Variants in OR10A6 observed in about 807,000 individuals in gnomAD.
OR10A6 encodes the protein olfactory receptor 10A6.
OR10A6 carries 2 observed loss-of-function variants against 1.5 expected under a neutral mutation model. That is an observed-to-expected ratio of 1.31 (90% CI 0.54 to 4.13). The LOEUF (loss-of-function observed/expected upper bound fraction) is 4.13. Ranked by LOEUF, OR10A6 falls within the 30% of genes most tolerant of loss-of-function variation. The probability of loss-of-function intolerance (pLI) is 0.07; values close to 1 mark genes in which losing one functional copy is unlikely to be tolerated. For synonymous variants in OR10A6, 169 were observed against 137.3 expected, an observed-to-expected ratio of 1.23 and a Z score of -1.61; for missense variants, 492 against 368.6, an observed-to-expected ratio of 1.33 and a Z score of -2.74.
rs974515552 is a variant in OR10A6 at position 7,929,504 on chromosome 11, T to C, written c.-842A>G. ...ACTATACTCGTCATCAAAAAATTCATTTAATCATTAATTATTCAACAAGCA... is the reference window on the plus strand; with the variant it reads ...ACTATACTCGTCATCAAAAAATTCACTTAATCATTAATTATTCAACAAGCA... On this transcript the variant is annotated 5_prime_UTR_variant, in exon 4 of 4. It removes an upstream start codon present in the reference 5' UTR. Transcript: ENST00000641238. 3 of 151,920 alleles carry C rather than the reference T, an allele frequency of 2.0e-5. No homozygotes were observed. Among genetic ancestry groups the C allele is most frequent in the South Asian group, 4.2e-4 (2 of 4,818 alleles). The allele number at this position is 151,920 out of a possible 1,614,324, so 9.4% of individuals were successfully genotyped here. A position where few individuals can be genotyped will look rare whatever the true frequency, so the allele number is the denominator to read the frequency against.
rs1435537381 is a variant in OR10A6 at position 7,927,510 on chromosome 11, T to A, written c.*208A>T. On this transcript the variant is annotated 3_prime_UTR_variant, in exon 4 of 4. Coordinates refer to ENST00000641238, the MANE Select transcript of OR10A6 (RefSeq NM_001004461.2). Reference sequence around the variant, plus strand: ...TAAACAAATTGTTGAAATTGTGTTATATTCAATATTAAGGAATATTATGCA... The same window carrying A: ...TAAACAAATTGTTGAAATTGTGTTAAATTCAATATTAAGGAATATTATGCA... 2 of 447,130 alleles carry A rather than the reference T, an allele frequency of 4.5e-6. No homozygotes were observed. The highest frequency in any genetic ancestry group is 7.8e-6 in the Non-Finnish European group (2 of 255,076). 27.7% of individuals were successfully genotyped at this position (447,130 alleles called of 1,614,324 possible).
At position 7,929,966 on chromosome 11, in the gene OR10A6, G is replaced by GTATATATAAGTGTATATATATATATA. The variant is rs1859500354; in HGVS notation, c.-1305_-1304insTATATATATATATACACTTATATATA. The stretch of plus-strand genomic sequence containing the variant: ...TCTAGTAAGGTATGTGTATGTGTAT[G>GTATATATAAGTGTATATATATATATA]TATATATATATATATATATATATAT... On this transcript the variant is annotated 5_prime_UTR_variant, in exon 4 of 4. Transcript: ENST00000641238. 1 of 57,262 alleles carries GTATATATAAGTGTATATATATATATA rather than the reference G, an allele frequency of 1.7e-5. No homozygotes were observed. The highest frequency in any genetic ancestry group is 3.2e-5 in the Non-Finnish European group (1 of 31,394). 3.5% of individuals were successfully genotyped at this position (57,262 alleles called of 1,614,324 possible). A position where few individuals can be genotyped will look rare whatever the true frequency, so the allele number is the denominator to read the frequency against.
In OR10A6 at chr11:7,926,104, T is replaced by C. The variant is rs1859393584; in HGVS notation, c.*1614A>G. 1 of 152,256 alleles carries C rather than the reference T, an allele frequency of 6.6e-6. No individual in the cohort carries two copies. Among genetic ancestry groups the C allele is most frequent in the Admixed American group, 6.5e-5 (1 of 15,286 alleles). The allele number at this position is 152,256 out of a possible 1,614,324, so 9.4% of individuals were successfully genotyped here. Reference sequence around the variant, plus strand: ...GAGTGGTGTCTTCACTTTAACCTTTTTGCATACCTCACAAACCAGCATGTA... The same window carrying C: ...GAGTGGTGTCTTCACTTTAACCTTTCTGCATACCTCACAAACCAGCATGTA... On this transcript the variant is annotated 3_prime_UTR_variant, in exon 4 of 4. Transcript: ENST00000641238.
In OR10A6 at chr11:7,928,112, A is replaced by G; in HGVS notation, c.551T>C (p.Val184Ala). 2.5e-6 allele frequency: 4 copies of G among 1,613,982 alleles called. No homozygotes were observed. The highest frequency in any genetic ancestry group is 3.4e-6 in the Non-Finnish European group (4 of 1,179,986). Residue 184 changes from valine (V) to alanine (A), a missense_variant, in exon 4 of 4, where the codon GTG becomes GCG. By Grantham distance (64) the Val-to-Ala change is moderately conservative. Coordinates refer to ENST00000641238, the MANE Select transcript of OR10A6 (RefSeq NM_001004461.2). ...CGTGTCTGCACATGCAAGTTCTAAC[A>G]CTGCTGGGGTTTCACAAGATATATG... ...INHISCETPA[V>A]LELACADTFL...
rs1859511252 is a variant in OR10A6, at chr11:7,930,249, A to C, written c.-1587T>G. ...GAAATTTAAGTAAGGGAATGATGACATTTGAAGGGGGTGGAGGATGAACAA... is the reference window on the plus strand; with the variant it reads ...GAAATTTAAGTAAGGGAATGATGACCTTTGAAGGGGGTGGAGGATGAACAA... On this transcript the variant is annotated 5_prime_UTR_variant, in exon 4 of 4. An upstream start codon of the reference 5' UTR is lost. Coordinates refer to ENST00000641238, the MANE Select transcript of OR10A6 (RefSeq NM_001004461.2). 1 of 151,904 alleles carries C rather than the reference A, an allele frequency of 6.6e-6. No homozygotes were observed. The highest frequency in any genetic ancestry group is 2.4e-5 in the African/African-American group (1 of 41,360). The allele number at this position is 151,904 out of a possible 1,614,324, so 9.4% of individuals were successfully genotyped here. A position where few individuals can be genotyped will look rare whatever the true frequency, so the allele number is the denominator to read the frequency against.
Position 7,929,746 on chromosome 11 carries a change from A to ATG in OR10A6, c.-1085_-1084insCA, listed in dbSNP as rs1415975454. 1 of 126,818 alleles carries ATG rather than the reference A, an allele frequency of 7.9e-6. No homozygotes were observed. The highest frequency in any genetic ancestry group is 1.7e-5 in the Non-Finnish European group (1 of 58,478). 7.9% of individuals were successfully genotyped at this position (126,818 alleles called of 1,614,324 possible). On this transcript the variant is annotated 5_prime_UTR_variant, in exon 4 of 4. It removes the in-frame stop codon of an upstream open reading frame in the 5' UTR. Transcript: ENST00000641238. ...TACATATATATATATATATATATAT[A>ATG]TATATATATACACACACATGCACAC...
chr11:7,928,073 A>G lies in OR10A6; in HGVS notation c.590T>C (p.Ile197Thr). ...CAAAAAGGTGCCTGTGAATGCATAG[A>G]TTTCAAACAAAAACGTGTCTGCACA... The part of the protein sequence containing the change: ...LACADTFLFE[I>T]YAFTGTFLII... Residue 197 changes from isoleucine to threonine, a missense_variant, in exon 4 of 4, where the codon ATC (isoleucine) becomes ACC (threonine). By Grantham distance (89) the Ile-to-Thr change is moderately conservative. Coordinates refer to ENST00000641238, the MANE Select transcript of OR10A6 (RefSeq NM_001004461.2). The G allele has an allele frequency of 1.2e-6, 2 of 1,613,958 alleles. No individual in the cohort carries two copies. The highest frequency in any genetic ancestry group is 1.7e-6 in the Non-Finnish European group (2 of 1,179,968).
Position 7,927,673 on chromosome 11 carries a change from A to AAT in OR10A6, c.*44_*45insAT. On this transcript the variant is annotated 3_prime_UTR_variant, in exon 4 of 4. Coordinates refer to ENST00000641238, the MANE Select transcript of OR10A6 (RefSeq NM_001004461.2). ...TCTAAATTTATTAAATTTAGATTGA[A>AAT]TACAGTCATGCAGTGACTAAATCTT... is the stretch of plus-strand genomic sequence containing the variant. 7.9e-7 allele frequency: 1 copy of AAT among 1,258,218 alleles called. No homozygotes were observed. Among genetic ancestry groups the AAT allele is most frequent in the Non-Finnish European group, 1.1e-6 (1 of 887,016 alleles). The allele number at this position is 1,258,218 out of a possible 1,614,324, so 77.9% of individuals were successfully genotyped here. A position where few individuals can be genotyped will look rare whatever the true frequency, so the allele number is the denominator to read the frequency against.
In OR10A6 at chr11:7,928,561, A is replaced by T. The variant is rs575558912; in HGVS notation, c.102T>A (p.Ile34=). Residue 34 remains isoleucine, a synonymous_variant, in exon 4 of 4, where the codon ATT becomes ATA. Transcript: ENST00000641238. Reference sequence around the variant, plus strand: ...CATTTCCTATCAGGGTCACCAGATAAATAACCAGGAAAGCCACAAAGAGCT... The same window carrying T: ...CATTTCCTATCAGGGTCACCAGATATATAACCAGGAAAGCCACAAAGAGCT... ...QGQLFVAFLV[I]YLVTLIGNAI... 1 of 1,613,824 alleles carries T rather than the reference A, an allele frequency of 6.2e-7. No individual in the cohort carries two copies.
rs1399260266 is a variant in OR10A6, at chr11:7,925,457, G to A, written c.*2261C>T. 2 of 152,112 alleles carry A rather than the reference G, an allele frequency of 1.3e-5. No individual in the cohort carries two copies. Among genetic ancestry groups the A allele is most frequent in the African/African-American group, 4.8e-5 (2 of 41,424 alleles). 9.4% of individuals were successfully genotyped at this position (152,112 alleles called of 1,614,324 possible). A position where few individuals can be genotyped will look rare whatever the true frequency, so the allele number is the denominator to read the frequency against. ...TTTATTTATCACAAAGGCAATGAAAGAGGAAAGCGTCAAATATAGTAACCT... is the reference window on the plus strand; with the variant it reads ...TTTATTTATCACAAAGGCAATGAAAAAGGAAAGCGTCAAATATAGTAACCT... On this transcript the variant is annotated 3_prime_UTR_variant, in exon 4 of 4. Transcript: ENST00000641238.
chr11:7,927,560 A>G lies in OR10A6; in HGVS notation c.*158T>C. The G allele has an allele frequency of 5.5e-6, 3 of 544,374 alleles. No individual in the cohort carries two copies. The highest frequency in any genetic ancestry group is 3.3e-5 in the South Asian group (1 of 30,254). The allele number at this position is 544,374 out of a possible 1,614,324, so 33.7% of individuals were successfully genotyped here. A position where few individuals can be genotyped will look rare whatever the true frequency, so the allele number is the denominator to read the frequency against. ...ACTGGTGAAAAAACTAAAAACATTA[A>G]CATATAAAGATGCTCCTGATATACA... On this transcript the variant is annotated 3_prime_UTR_variant, in exon 4 of 4. Coordinates refer to ENST00000641238, the MANE Select transcript of OR10A6 (RefSeq NM_001004461.2).
In OR10A6 at chr11:7,927,842, A is replaced by G. The variant is rs755432426; in HGVS notation, c.821T>C (p.Met274Thr). Residue 274 changes from methionine to threonine, a missense_variant, in exon 4 of 4, where the codon ATG becomes ACG. By Grantham distance (81) the Met-to-Thr change is moderately conservative (BLOSUM62 -1). Transcript: ENST00000641238. ...TGTCAGAAGTGAGTAAGACAATGAC[A>G]TCACTTTCTTGGTTTCCGGTGAGTA... Reference protein sequence around the residue: ...SGYSPETKKVMSLSYSLLTPL... With the variant: ...SGYSPETKKVTSLSYSLLTPL... 16 of 1,613,796 alleles carry G rather than the reference A, an allele frequency of 9.9e-6. No homozygotes were observed. The Admixed American group carries it at 1.8e-4, about 19-fold the overall frequency.
At position 7,928,822 on chromosome 11, in the gene OR10A6, A is replaced by G. The variant is rs551670971; in HGVS notation, c.-160T>C. 9 of 425,518 alleles carry G rather than the reference A, an allele frequency of 2.1e-5. No individual in the cohort carries two copies. The highest frequency in any genetic ancestry group is 1.4e-4 in the African/African-American group (7 of 49,106). The allele number at this position is 425,518 out of a possible 1,614,324, so 26.4% of individuals were successfully genotyped here. Reference sequence around the variant, plus strand: ...AAATTTTCTTTGGCAATTTTAGACAATGACCAAATACTTGGATTATATTCC... The same window carrying G: ...AAATTTTCTTTGGCAATTTTAGACAGTGACCAAATACTTGGATTATATTCC... On this transcript the variant is annotated 5_prime_UTR_variant, in exon 4 of 4. Transcript: ENST00000641238.
Position 7,924,648 on chromosome 11 carries a change from C to G in OR10A6, c.*3070G>C, listed in dbSNP as rs1589976865. The G allele has an allele frequency of 6.6e-6, 1 of 151,078 alleles. No individual in the cohort carries two copies. The highest frequency in any genetic ancestry group is 2.0e-4 in the East Asian group (1 of 5,128). 9.4% of individuals were successfully genotyped at this position (151,078 alleles called of 1,614,324 possible). On this transcript the variant is annotated 3_prime_UTR_variant, in exon 4 of 4. Transcript: ENST00000641238. ...TAGCAAATACTGGATTAAACAAAGA[C>G]AAGGTTTATTTCTCTGAAGTAACAG... is the stretch of plus-strand genomic sequence containing the variant.
Position 7,927,858 on chromosome 11 carries a change from C to G in OR10A6, c.805G>C (p.Glu269Gln). Residue 269 changes from glutamate (E) to glutamine (Q), a missense_variant, in exon 4 of 4, where the codon GAA (glutamate) becomes CAA (glutamine). Glu to Gln is a conservative substitution (Grantham distance 29). Coordinates refer to ENST00000641238, the MANE Select transcript of OR10A6 (RefSeq NM_001004461.2). ...GACAATGACATCACTTTCTTGGTTT[C>G]CGGTGAGTAGCCAGATTTGGGTTGT... ...YLQPKSGYSPETKKVMSLSYS... is the reference protein window; with the variant it reads ...YLQPKSGYSPQTKKVMSLSYS... The G allele has an allele frequency of 6.2e-7, 1 of 1,613,932 alleles. No individual in the cohort carries two copies. Among genetic ancestry groups the G allele is most frequent in the Non-Finnish European group, 8.5e-7 (1 of 1,179,958 alleles).
rs895375439 is a variant in OR10A6 at position 7,927,152 on chromosome 11, A to G, written c.*566T>C. On this transcript the variant is annotated 3_prime_UTR_variant, in exon 4 of 4. Transcript: ENST00000641238. ...GAGTAGAGACATTGTGTTCCTCTCA[A>G]TAAATAACTGTTCTTTCCTACTTAT... The G allele has an allele frequency of 4.6e-5, 7 of 152,146 alleles. No homozygotes were observed. The highest frequency in any genetic ancestry group is 7.3e-5 in the Non-Finnish European group (5 of 68,040). The allele number at this position is 152,146 out of a possible 1,614,324, so 9.4% of individuals were successfully genotyped here. A position where few individuals can be genotyped will look rare whatever the true frequency, so the allele number is the denominator to read the frequency against.
intron 3 of OR10A6, 113 bp from the exon 4 acceptor site, chr11:7,930,628 T>C (rs1859517305): frequency 6.6e-6 from 1 of 152,168 alleles, no homozygotes; most frequent in African/African-American, 2.4e-5. Context: ...TACTGTATTT[T>C]GGATGTCAAA....
chr11:7,928,158 A>G lies in OR10A6; in HGVS notation c.505T>C (p.Cys169Arg). 2 of 1,613,956 alleles carry G rather than the reference A, an allele frequency of 1.2e-6. No individual in the cohort carries two copies. Among genetic ancestry groups the G allele is most frequent in the Non-Finnish European group, 1.7e-6 (2 of 1,179,910 alleles). ...ATATGGTTAATTTCATTAAGGCCAC[A>G]AAAGGGAAAACTAGATACCCATGAT... ...QTSWVSSFPF[C>R]GLNEINHISC... Residue 169 changes from cysteine (C) to arginine (R), a missense_variant, in exon 4 of 4, where the codon TGT becomes CGT. Transcript: ENST00000641238.
rs1167216036 is a variant in OR10A6 at position 7,926,254 on chromosome 11, A to G, written c.*1464T>C. On this transcript the variant is annotated 3_prime_UTR_variant, in exon 4 of 4. Transcript: ENST00000641238. ...TGACAGTTGTTCTGTCCTTCAGTAA[A>G]ATTCTTCTCCACCATCCTTACCCTT... 6.6e-6 allele frequency: 1 copy of G among 152,158 alleles called. No individual in the cohort carries two copies. The highest frequency in any genetic ancestry group is 1.5e-5 in the Non-Finnish European group (1 of 68,068). 9.4% of individuals were successfully genotyped at this position (152,158 alleles called of 1,614,324 possible).
Sources: allele counts gnomAD v4.1 joint callset, GRCh38; gene constraint gnomAD v4.1.1; transcripts MANE v1.5; gene names NCBI Gene and HGNC (gene_info 2026-07-23, HGNC 2026-07-21).